Variants in ATP2B1 observed in about 807,000 individuals in gnomAD.
ATP2B1 encodes the protein ATPase plasma membrane Ca2+ transporting 1, also known as plasma membrane calcium-transporting ATPase 1.
ATP2B1 carries 14 observed loss-of-function variants against 124.2 expected under a neutral mutation model. That is an observed-to-expected ratio of 0.11 (90% CI 0.07 to 0.18). ATP2B1 has a LOEUF of 0.18. ATP2B1 is among the 10% of genes least tolerant of loss of function. ATP2B1 has a pLI of 1.00. For synonymous variants in ATP2B1, 449 were observed against 492.4 expected (o/e 0.91, Z 1.17); for missense variants, 763 against 1,466.1 (o/e 0.52, Z 7.83).
intron 1 of ATP2B1, among the ~76,000 whole-genome samples, chr12:89,707,751 T>C (rs1295132109): frequency 6.6e-6 from 1 of 151,890 alleles, no homozygotes; most frequent in Non-Finnish European, 1.5e-5. Context: ...GTGAATGAAA[T>C]GCGCACAGAG....
chr12:89,591,370 A>C, intron 20 of ATP2B1, 75 bp from the exon 21 acceptor site: 1 of 1,323,580 alleles, frequency 7.6e-7, no homozygotes, highest in East Asian at 2.4e-5. Flanking sequence ...TATGAGTTTG[A>C]ATCCACAAAC....
chr12:89,663,737 G>T (rs1266817426), intron 1 of ATP2B1, among the ~76,000 whole-genome samples: 1 of 152,100 alleles, frequency 6.6e-6, no homozygotes, highest in Non-Finnish European at 1.5e-5. Context: ...AAATCTAATG[G>T]ACACATTTAG....
intron 5 of ATP2B1, among the ~76,000 whole-genome samples, chr12:89,631,927 G>A (rs75309829): frequency 0.035 from 5,314 of 151,654 alleles, 291 homozygotes; most frequent in African/African-American, 0.12. Flanking sequence ...CACCGTGCTC[G>A]GCCTGAAGGT....
intron 2 of ATP2B1, among the ~76,000 whole-genome samples, chr12:89,651,422 A>G (rs1358942165): frequency 6.6e-6 from 1 of 152,030 alleles, no homozygotes; most frequent in East Asian, 1.9e-4. Context: ...AGTAGCTGGA[A>G]CCACAGGCAT....
At chr12:89,694,610 G>C (rs1011752144) in intron 1 of ATP2B1, among the ~76,000 whole-genome samples, 1 of 152,206 alleles carries the variant, frequency 6.6e-6, no homozygotes, top group African/African-American at 2.4e-5. Context: ...TATACTTCAG[G>C]AAGGGAGACA....
intron 1 of ATP2B1, among the ~76,000 whole-genome samples, chr12:89,700,236 A>G (rs1891679021): frequency 6.6e-6 from 1 of 151,822 alleles, no homozygotes; most frequent in Non-Finnish European, 1.5e-5. Flanking sequence ...TTTTTCTGAG[A>G]CTCGACATGC....
intron 2 of ATP2B1, among the ~76,000 whole-genome samples, chr12:89,648,365 C>G (rs11105358): frequency 0.6 from 91,856 of 152,092 alleles, 28,317 homozygotes; most frequent in East Asian, 0.77. Flanking sequence ...GAACAAGGGT[C>G]ACCCTTGTTA....
intron 9 of ATP2B1, among the ~76,000 whole-genome samples, chr12:89,622,947 C>T (rs1880246176): frequency 6.6e-6 from 1 of 152,086 alleles, no homozygotes; most frequent in African/African-American, 2.4e-5. Context: ...GAACTAATGG[C>T]AGTTCGGTAA....
intron 1 of ATP2B1, among the ~76,000 whole-genome samples, chr12:89,670,247 A>G (rs1174748020): frequency 6.6e-6 from 1 of 152,224 alleles, no homozygotes; most frequent in Non-Finnish European, 1.5e-5. Flanking sequence ...CTGTCAGAGG[A>G]GCAATCCAAC....
At chr12:89,657,599 A>G (rs1886112466) in intron 1 of ATP2B1, among the ~76,000 whole-genome samples, 1 of 152,234 alleles carries the variant, frequency 6.6e-6, no homozygotes, top group Admixed American at 6.5e-5. Flanking sequence ...ATGTCTGTAC[A>G]TCATGGTGTA....
At position 89,684,782 on chromosome 12, in the gene ATP2B1, C is replaced by T. The variant is rs12312366; in HGVS notation, c.-222+23814G>A. Reference sequence around the variant, plus strand: ...GCGGAGAGAAACTTGGCTTCTCTCCCTCTTGCCTATTAACCCATATTAATC... The same window carrying T: ...GCGGAGAGAAACTTGGCTTCTCTCCTTCTTGCCTATTAACCCATATTAATC... On this transcript the variant is annotated intron_variant, in intron 1 of 20. Transcript: ENST00000428670. 8.1e-3 allele frequency among the ~76,000 whole-genome samples: 1,233 copies of T among 152,202 alleles called. 14 individuals carry two copies. The highest frequency in any genetic ancestry group is 0.028 in the African/African-American group (1,181 of 41,532).
At chr12:89,672,172 C>T (rs1303487153) in intron 1 of ATP2B1, among the ~76,000 whole-genome samples, 1 of 152,152 alleles carries the variant, frequency 6.6e-6, no homozygotes, top group Non-Finnish European at 1.5e-5. Flanking sequence ...AATAGAGAAA[C>T]TGGCTGGTGC....
chr12:89,625,550 A>G (rs1343511933), intron 8 of ATP2B1, among the ~76,000 whole-genome samples: 1 of 137,532 alleles, frequency 7.3e-6, no homozygotes, highest in African/African-American at 2.7e-5. Flanking sequence ...ATGCCACTGT[A>G]TTCCAGCCTG....
intron 11 of ATP2B1, among the ~76,000 whole-genome samples, chr12:89,618,793 T>G (rs1381198637): frequency 1.3e-5 from 2 of 152,204 alleles, no homozygotes; most frequent in Non-Finnish European, 2.9e-5. Context: ...TTGTACCAAT[T>G]TATTATATGC....
At chr12:89,694,986 A>G (rs998057201) in intron 1 of ATP2B1, among the ~76,000 whole-genome samples, 2 of 147,696 alleles carry the variant, frequency 1.4e-5, no homozygotes, top group African/African-American at 5.0e-5. Flanking sequence ...AAGCCCAGAG[A>G]GATCGAGTCT....
At chr12:89,624,642 T>A (rs542628690) in intron 8 of ATP2B1, among the ~76,000 whole-genome samples, 2 of 152,212 alleles carry the variant, frequency 1.3e-5, no homozygotes, top group African/African-American at 2.4e-5. Flanking sequence ...TTAGACTTAA[T>A]TATATCTTTG....
chr12:89,602,152 T>G (rs1428540410), intron 18 of ATP2B1, among the ~76,000 whole-genome samples: 2 of 152,088 alleles, frequency 1.3e-5, no homozygotes, highest in African/African-American at 4.8e-5. Context: ...TTAACTGGGG[T>G]TGGGTGTGGT....
At chr12:89,622,104 T>A (rs1265345647) in intron 9 of ATP2B1, among the ~76,000 whole-genome samples, 1 of 152,064 alleles carries the variant, frequency 6.6e-6, no homozygotes, top group African/African-American at 2.4e-5. Context: ...CAACGGTTTT[T>A]GCAAAATGTC....
At position 89,620,260 on chromosome 12, in the gene ATP2B1, A is replaced by G. The variant is rs1352103344; in HGVS notation, c.1588-20T>C. The G allele has an allele frequency of 1.4e-5, 22 of 1,610,404 alleles. No homozygotes were observed. In the Middle Eastern group the frequency reaches 5.0e-4, roughly 36 times the overall value. On this transcript the variant is annotated intron_variant, in intron 10 of 20. Transcript: ENST00000428670. Reference sequence around the variant, plus strand: ...TGGTGGCTATAAGAGAAAAACATTTAGTAGCTAGTATCTCGTTTCTCTAAG... The same window carrying G: ...TGGTGGCTATAAGAGAAAAACATTTGGTAGCTAGTATCTCGTTTCTCTAAG...
Sources: allele counts gnomAD v4.1 joint callset (sites outside exome capture counted in the v4.1 genomes callset), GRCh38; gene constraint gnomAD v4.1.1; transcripts MANE v1.5; gene names NCBI Gene and HGNC (gene_info 2026-07-23, HGNC 2026-07-21).